DOCK3: variants seen among roughly 807,000 people sequenced by gnomAD.
DOCK3 encodes the protein dedicator of cytokinesis protein 3.
A neutral mutation model predicts 265.6 loss-of-function variants in DOCK3; 60 were observed. The observed-to-expected ratio is 0.23, with a 90% CI of 0.18 to 0.28. The LOEUF (loss-of-function observed/expected upper bound fraction) is 0.28. Among genes scored for constraint, DOCK3 ranks in the 10% least tolerant of loss-of-function variants. The pLI is 1.00. For synonymous variants in DOCK3, 881 were observed against 938.0 expected (o/e 0.94, Z 1.11); for missense variants, 1,981 against 2,594.3 (o/e 0.76, Z 5.14).
At chr3:51,185,287 G>A (rs575443229) in intron 12 of DOCK3, among the ~76,000 whole-genome samples, 1 of 152,302 alleles carries the variant, frequency 6.6e-6, no homozygotes, top group South Asian at 2.1e-4. Flanking sequence ...GAAATTGGGT[G>A]CAGGATATGT....
At chr3:50,753,602 G>T (rs1173695601) in intron 1 of DOCK3, among the ~76,000 whole-genome samples, 1 of 152,074 alleles carries the variant, frequency 6.6e-6, no homozygotes, top group Non-Finnish European at 1.5e-5. Flanking sequence ...GGCTCAGGCA[G>T]TCCTTCTGTC....
chr3:50,978,456 C>CG (rs780785765), intron 5 of DOCK3, among the ~76,000 whole-genome samples: 21 of 152,280 alleles, frequency 1.4e-4, no homozygotes, highest in South Asian at 4.1e-4. Flanking sequence ...TTAGGCTGCT[C>CG]GGGGGTCAGG....
intron 1 of DOCK3, among the ~76,000 whole-genome samples, chr3:50,703,456 A>G (rs2036183217): frequency 6.6e-6 from 1 of 151,878 alleles, no homozygotes; most frequent in African/African-American, 2.4e-5. Flanking sequence ...CAGTAAAGCC[A>G]TTGGTCCTTT....
At chr3:51,186,744 A>G (rs574245345) in intron 12 of DOCK3, among the ~76,000 whole-genome samples, 110 of 152,326 alleles carry the variant, frequency 7.2e-4, no homozygotes, top group African/African-American at 2.6e-3. Flanking sequence ...GGGCCAATGT[A>G]AACCTTGGGC....
chr3:50,959,060 C>T (rs185721640), intron 5 of DOCK3, among the ~76,000 whole-genome samples: 2 of 152,266 alleles, frequency 1.3e-5, no homozygotes, highest in Non-Finnish European at 2.9e-5. Context: ...TCCCATTTGC[C>T]GTCATTCCTC....
chr3:51,161,647 T>G (rs1452858973), intron 12 of DOCK3, among the ~76,000 whole-genome samples: 1 of 152,150 alleles, frequency 6.6e-6, no homozygotes, highest in Non-Finnish European at 1.5e-5. Flanking sequence ...ATCTTATATA[T>G]TTGCAGAAAA....
intron 1 of DOCK3, among the ~76,000 whole-genome samples, chr3:50,687,252 C>A (rs530045916): frequency 1.3e-5 from 2 of 152,222 alleles, no homozygotes; most frequent in South Asian, 4.1e-4. Flanking sequence ...CTGCTAAATC[C>A]CAGTGTTGAC....
In DOCK3 at chr3:50,882,881, T is replaced by C. The variant is rs1481254839; in HGVS notation, c.163-7145T>C. Among the ~76,000 whole-genome samples the C allele has an allele frequency of 3.3e-5, 5 of 152,296 alleles. 1 individual carries two copies. The highest frequency in any genetic ancestry group is 1.2e-4 in the African/African-American group (5 of 41,560). On this transcript the variant is annotated intron_variant, in intron 3 of 52. Coordinates refer to ENST00000266037, the MANE Select transcript of DOCK3 (RefSeq NM_004947.5). ...TGTAACCAACCCAAATGTCCATCAATGATAGACTGGATTAAGAAAATGTGG... is the reference window on the plus strand; with the variant it reads ...TGTAACCAACCCAAATGTCCATCAACGATAGACTGGATTAAGAAAATGTGG...
intron 52 of DOCK3, 91 bp from the exon 53 acceptor site, chr3:51,380,959 C>G: frequency 6.9e-7 from 1 of 1,454,044 alleles, no homozygotes; most frequent in East Asian, 2.3e-5. Context: ...GGTTAAAGTT[C>G]ATTCATAAGC....
chr3:51,154,714 G>A (rs1038445121), intron 10 of DOCK3, among the ~76,000 whole-genome samples: 1 of 152,146 alleles, frequency 6.6e-6, no homozygotes, highest in African/African-American at 2.4e-5. Flanking sequence ...TTGAATTCTT[G>A]AATATGATGA....
chr3:51,374,445 T>C lies in DOCK3; in HGVS notation c.5294-24T>C. The C allele has an allele frequency of 6.2e-7, 1 of 1,601,428 alleles. No homozygotes were observed. Among genetic ancestry groups the C allele is most frequent in the Non-Finnish European group, 8.5e-7 (1 of 1,173,648 alleles). ...TCCATCTGTGGCTTGTCATCTGTGC[T>C]TGATTGTTCTCACTTGGTTACAGGC... On this transcript the variant is annotated intron_variant, in intron 49 of 52. Coordinates refer to ENST00000266037, the MANE Select transcript of DOCK3 (RefSeq NM_004947.5). This position sits in a 1 kb window ranked among gnomAD's most constrained non-coding sequence, Gnocchi z 4.8.
Position 50,700,258 on chromosome 3 carries a change from G to A in DOCK3, c.37+24958G>A, listed in dbSNP as rs566412779. On this transcript the variant is annotated intron_variant, in intron 1 of 52. Coordinates refer to ENST00000266037, the MANE Select transcript of DOCK3 (RefSeq NM_004947.5). ...CGCACCATTGCACTCCAGCCTGGGC[G>A]AAAAGAGTGAAACTCTGTGTCAAAA... Among the ~76,000 whole-genome samples the A allele has an allele frequency of 4.6e-5, 7 of 152,324 alleles. 1 individual carries two copies. The South Asian group carries it at 8.3e-4, about 18-fold the overall frequency.
At chr3:51,346,086 G>A (rs145758445) in intron 38 of DOCK3, among the ~76,000 whole-genome samples, 54 of 152,162 alleles carry the variant, frequency 3.5e-4, no homozygotes, top group Admixed American at 2.0e-3. Context: ...AGAAGTTGGG[G>A]AGCCTGGGTA....
chr3:50,777,919 G>A (rs2041698128), intron 1 of DOCK3, among the ~76,000 whole-genome samples: 1 of 152,064 alleles, frequency 6.6e-6, no homozygotes, highest in African/African-American at 2.4e-5. Flanking sequence ...TCTCTTGCCT[G>A]ATTGCTGGTT....
chr3:50,810,326 G>A (rs1490847142), intron 2 of DOCK3, among the ~76,000 whole-genome samples: 4 of 152,042 alleles, frequency 2.6e-5, no homozygotes, highest in Admixed American at 1.3e-4. Context: ...CGAGGCGGGC[G>A]GATCACTTGA....
chr3:50,991,776 AC>A (rs1268639526), intron 5 of DOCK3, among the ~76,000 whole-genome samples: 4 of 152,174 alleles, frequency 2.6e-5, no homozygotes, highest in Admixed American at 1.3e-4. Context: ...CCAAAAAAAA[AC>A]AACAGAATAT....
At chr3:51,130,257 T>C (rs2084462666) in intron 9 of DOCK3, among the ~76,000 whole-genome samples, 2 of 152,238 alleles carry the variant, frequency 1.3e-5, no homozygotes, top group Admixed American at 1.3e-4. Flanking sequence ...CAGTGTGATA[T>C]CTTGCAGAAG....
At chr3:50,709,084 G>C (rs2036594521) in intron 1 of DOCK3, among the ~76,000 whole-genome samples, 1 of 152,190 alleles carries the variant, frequency 6.6e-6, no homozygotes, top group Non-Finnish European at 1.5e-5. Context: ...GTGGACAAAA[G>C]TGCTAAGACT....
chr3:50,758,198 A>AAAAAAAAC (rs2040303106), intron 1 of DOCK3, among the ~76,000 whole-genome samples: 1 of 11,992 alleles, frequency 8.3e-5, no homozygotes, highest in African/African-American at 1.6e-4. Context: ...AAAAAAAAAG[A>AAAAAAAAC]AAAAAAAAAA....
Sources: gnomAD v4.1 joint callset for allele counts (sites outside exome capture counted in the v4.1 genomes callset) on GRCh38, gnomAD v4.1.1 for gene constraint, Gnocchi (gnomAD v3.1) non-coding constraint, MANE v1.5 for transcripts, NCBI Gene and HGNC (gene_info 2026-07-23, HGNC 2026-07-21) for gene names.